Variants in DSCAM observed in about 807,000 individuals in gnomAD.
The protein encoded by DSCAM is DS cell adhesion molecule.
DSCAM carries 47 observed loss-of-function variants against 217.7 expected under a neutral mutation model. That is an observed-to-expected ratio of 0.22 (90% CI 0.17 to 0.28). The LOEUF is 0.28. Among genes scored for constraint, DSCAM ranks in the 10% least tolerant of loss-of-function variants. The pLI is 1.00. For synonymous variants in DSCAM, 1,056 were observed against 1,015.3 expected (o/e 1.04, Z -0.76); for missense variants, 2,080 against 2,618.3 (o/e 0.79, Z 4.49).
chr21:40,441,200 T>C (rs10483068), intron 3 of DSCAM, among the ~76,000 whole-genome samples: 109,697 of 152,004 alleles, frequency 0.72, 39,884 homozygotes, highest in Middle Eastern at 0.82. Flanking sequence ...AGTGCCAGGA[T>C]CATCTTTCTT....
intron 11 of DSCAM, among the ~76,000 whole-genome samples, chr21:40,269,581 C>T (rs1395071266): frequency 6.6e-6 from 1 of 152,172 alleles, no homozygotes; most frequent in Non-Finnish European, 1.5e-5. Flanking sequence ...TAAACAACAG[C>T]AATTTATTCT....
At chr21:40,354,791 G>A (rs1483009867) in intron 4 of DSCAM, among the ~76,000 whole-genome samples, 1 of 148,618 alleles carries the variant, frequency 6.7e-6, no homozygotes, top group East Asian at 2.0e-4. Flanking sequence ...AGAGCTTGCA[G>A]TGAGCCGAGA....
chr21:40,750,023 G>A (rs2091212868), intron 1 of DSCAM, among the ~76,000 whole-genome samples: 1 of 151,838 alleles, frequency 6.6e-6, no homozygotes, highest in Non-Finnish European at 1.5e-5. Context: ...TACCTCCTGG[G>A]TTCAAGTGAT....
chr21:40,533,693 C>CCATT (rs1466633231), intron 3 of DSCAM, among the ~76,000 whole-genome samples: 12 of 151,378 alleles, frequency 7.9e-5, no homozygotes, highest in Non-Finnish European at 1.3e-4. Context: ...ATCCATCCAT[C>CCATT]CATTCATCCA....
intron 3 of DSCAM, among the ~76,000 whole-genome samples, chr21:40,552,449 C>A (rs2837701): frequency 0.48 from 73,640 of 152,096 alleles, 18,361 homozygotes; most frequent in Admixed American, 0.56. Context: ...TGGAAACTCA[C>A]GTAGTCTAGA....
intron 1 of DSCAM, among the ~76,000 whole-genome samples, chr21:40,730,453 C>T (rs931543113): frequency 6.6e-6 from 1 of 152,204 alleles, no homozygotes; most frequent in Non-Finnish European, 1.5e-5. Context: ...GACCCAGGAT[C>T]GCAGATTTCC....
intron 11 of DSCAM, among the ~76,000 whole-genome samples, chr21:40,253,595 C>T (rs77627856): frequency 0.04 from 6,103 of 152,256 alleles, 348 homozygotes; most frequent in East Asian, 0.22. Flanking sequence ...ACCCCCTGAC[C>T]TCTGGGGAAG....
chr21:40,276,231 C>A lies in DSCAM; in HGVS notation c.2222G>T (p.Gly741Val). Residue 741 changes from glycine to valine, a missense_variant, in exon 11 of 33, where the codon GGC becomes GTC. Physicochemically the swap from Gly to Val is moderately radical, Grantham distance 109. Transcript: ENST00000400454. ...VPQFQPIALN[G>V]RIQVLSNGSL... is the part of the protein sequence containing the mutation. ...CCCATTGCTGAGAACTTGGATTCGG[C>A]CATTTAGGGCAATTGGCTGGAACTG... The A allele has an allele frequency of 6.2e-7, 1 of 1,610,608 alleles. No homozygotes were observed. The highest frequency in any genetic ancestry group is 8.5e-7 in the Non-Finnish European group (1 of 1,178,702).
chr21:40,091,444 C>T (rs2089608276), intron 21 of DSCAM, among the ~76,000 whole-genome samples: 1 of 152,066 alleles, frequency 6.6e-6, no homozygotes, highest in African/African-American at 2.4e-5. Flanking sequence ...TCTGCAGGAG[C>T]TTCTGACTGC....
At chr21:40,319,662 C>G (rs2074238457) in intron 8 of DSCAM, among the ~76,000 whole-genome samples, 1 of 152,150 alleles carries the variant, frequency 6.6e-6, no homozygotes. Context: ...TGTTTCCTAT[C>G]ATGTCTACAC....
chr21:40,705,659 C>T lies in DSCAM; in HGVS notation c.361+2795G>A, dbSNP rs534297013. Among the ~76,000 whole-genome samples, 8 of 152,094 alleles carry T rather than the reference C, an allele frequency of 5.3e-5. No individual in the cohort carries two copies. The East Asian group carries it at 9.7e-4, about 18-fold the overall frequency. ...ATCTCGTGAGACTCACTCACTCTCA[C>T]GAGAACAGAATGGGGGAAACTTACC... On this transcript the variant is annotated intron_variant, in intron 2 of 32. Coordinates refer to ENST00000400454, the MANE Select transcript of DSCAM (RefSeq NM_001389.5).
chr21:40,276,352 CAT>C, intron 10 of DSCAM, 82 bp from the exon 11 acceptor site: 1 of 1,312,110 alleles, frequency 7.6e-7, no homozygotes. Context: ...CACACAGACT[CAT>C]AAAGAGATGC....
intron 3 of DSCAM, among the ~76,000 whole-genome samples, chr21:40,537,155 G>A (rs947565881): frequency 5.3e-5 from 8 of 152,090 alleles, no homozygotes; most frequent in African/African-American, 1.9e-4. Flanking sequence ...CCTTAGCATT[G>A]AGCACTTTGA....
intron 3 of DSCAM, among the ~76,000 whole-genome samples, chr21:40,488,180 C>T (rs1302131299): frequency 1.3e-5 from 2 of 152,224 alleles, no homozygotes; most frequent in African/African-American, 4.8e-5. Context: ...GTGTCGCCCT[C>T]TCTGTACTCC....
intron 3 of DSCAM, among the ~76,000 whole-genome samples, chr21:40,473,662 T>C (rs1397270490): frequency 6.6e-6 from 1 of 152,040 alleles, no homozygotes; most frequent in African/African-American, 2.4e-5. Context: ...CATGTTGAAG[T>C]CCCAACCCCC....
chr21:40,550,396 G>A (rs527656203), intron 3 of DSCAM, among the ~76,000 whole-genome samples: 3 of 152,102 alleles, frequency 2.0e-5, no homozygotes, highest in East Asian at 1.9e-4. Context: ...ATGGTGGCAC[G>A]CGCCTGTAAT....
intron 32 of DSCAM, among the ~76,000 whole-genome samples, chr21:40,039,969 G>A (rs941117803): frequency 6.6e-6 from 1 of 152,228 alleles, no homozygotes; most frequent in Non-Finnish European, 1.5e-5. Flanking sequence ...GGGAAAGAAT[G>A]TGATGTAAAA....
chr21:40,663,208 A>G (rs1411928739), intron 3 of DSCAM, among the ~76,000 whole-genome samples: 1 of 126,480 alleles, frequency 7.9e-6, no homozygotes, highest in Non-Finnish European at 1.6e-5. Context: ...ATGTGAGTGT[A>G]TGTCTGTGCA....
intron 8 of DSCAM, among the ~76,000 whole-genome samples, chr21:40,312,652 G>C (rs1431840263): frequency 2.0e-5 from 3 of 152,194 alleles, no homozygotes; most frequent in African/African-American, 7.2e-5. Context: ...TGTAAATAGT[G>C]TGAAAGAGGG....
Sources: allele counts gnomAD v4.1 joint callset (sites outside exome capture counted in the v4.1 genomes callset), GRCh38; gene constraint gnomAD v4.1.1; transcripts MANE v1.5; gene names NCBI Gene and HGNC (gene_info 2026-07-23, HGNC 2026-07-21).